Variants in IL15 observed in about 807,000 individuals in gnomAD.
IL15 encodes the protein interleukin-15.
Under a neutral mutation model 19.6 loss-of-function variants are expected in IL15, and 11 were observed. The ratio of observed to expected loss-of-function variants is 0.56; its 90% CI spans 0.35 to 0.93. IL15 has a LOEUF of 0.93. Ranked by LOEUF, IL15 falls within the 40% of genes least tolerant of loss-of-function variation. The pLI is 0.01. For missense variants in IL15, 197 were observed against 186.5 expected (o/e 1.06, Z -0.33); for synonymous variants, 58 against 59.6 (o/e 0.97, Z 0.12).
At chr4:141,708,939 G>C (rs1417715330) in intron 2 of IL15, among the ~76,000 whole-genome samples, 1 of 151,540 alleles carries the variant, frequency 6.6e-6, no homozygotes, top group Non-Finnish European at 1.5e-5. Context: ...TACTTTAAAT[G>C]ATAATTTTAT....
chr4:141,709,385 A>G (rs986027974), intron 2 of IL15, among the ~76,000 whole-genome samples: 3 of 152,098 alleles, frequency 2.0e-5, no homozygotes, highest in Non-Finnish European at 4.4e-5. Flanking sequence ...AAGGTTGTTC[A>G]TTGTGTTTTT....
Position 141,683,325 on chromosome 4 carries a change from C to T in IL15, c.-100+27018C>T, listed in dbSNP as rs559635573. Among the ~76,000 whole-genome samples, 3 of 151,830 alleles carry T rather than the reference C, an allele frequency of 2.0e-5. No individual in the cohort carries two copies. The South Asian group carries it at 6.2e-4, about 32-fold the overall frequency. On this transcript the variant is annotated intron_variant, in intron 2 of 7. Coordinates refer to ENST00000320650, the MANE Select transcript of IL15 (RefSeq NM_000585.5). ...GTGGCTCATGCCTGTAATCCTAGCA[C>T]TTTGGAAGGGCAAGGTGGGTGGATT... is the stretch of plus-strand genomic sequence containing the variant.
intron 1 of IL15, among the ~76,000 whole-genome samples, chr4:141,638,566 A>T (rs80017499): frequency 0.015 from 2,352 of 152,346 alleles, 39 homozygotes; most frequent in East Asian, 0.075. Flanking sequence ...GGTGATTAAA[A>T]TGATGCTCTT....
chr4:141,676,514 G>A (rs1010331589), intron 2 of IL15, among the ~76,000 whole-genome samples: 9 of 152,110 alleles, frequency 5.9e-5, no homozygotes, highest in African/African-American at 2.2e-4. Flanking sequence ...GGGTCATAAG[G>A]ACTTTAAACT....
At chr4:141,645,138 G>A (rs973714921) in intron 1 of IL15, among the ~76,000 whole-genome samples, 5 of 151,952 alleles carry the variant, frequency 3.3e-5, no homozygotes, top group African/African-American at 1.2e-4. Flanking sequence ...TTTAGAATTC[G>A]GGGGGCTTCC....
At chr4:141,687,788 C>G (rs759932233) in intron 2 of IL15, among the ~76,000 whole-genome samples, 1 of 152,072 alleles carries the variant, frequency 6.6e-6, no homozygotes, top group Admixed American at 6.6e-5. Flanking sequence ...AATAACCCAG[C>G]CTTTTACTAA....
intron 2 of IL15, among the ~76,000 whole-genome samples, chr4:141,713,052 A>G (rs906553533): frequency 1.3e-5 from 2 of 152,270 alleles, no homozygotes; most frequent in East Asian, 1.9e-4. Flanking sequence ...TTTAAAAATC[A>G]TTATAGTAAC....
chr4:141,730,670 AGAGC>A (rs1284986742), intron 7 of IL15, among the ~76,000 whole-genome samples: 1 of 152,186 alleles, frequency 6.6e-6, no homozygotes, highest in Non-Finnish European at 1.5e-5. Context: ...GGGTTCCAGG[AGAGC>A]AAATTCTAGG....
intron 2 of IL15, among the ~76,000 whole-genome samples, chr4:141,704,039 G>T (rs973151920): frequency 1.3e-5 from 2 of 151,958 alleles, no homozygotes; most frequent in African/African-American, 4.8e-5. Context: ...TTCCAATTTG[G>T]ATGCCTTTTA....
intron 2 of IL15, among the ~76,000 whole-genome samples, chr4:141,708,064 A>T (rs947423904): frequency 2.6e-5 from 4 of 152,146 alleles, no homozygotes; most frequent in Non-Finnish European, 5.9e-5. Flanking sequence ...GTGGCCTTTC[A>T]TGGGAGTAGG....
At chr4:141,642,467 T>C (rs1035261192) in intron 1 of IL15, among the ~76,000 whole-genome samples, 4 of 152,182 alleles carry the variant, frequency 2.6e-5, no homozygotes, top group African/African-American at 9.7e-5. Flanking sequence ...ACCCTCCCTT[T>C]GGCTTCTGGA....
intron 2 of IL15, among the ~76,000 whole-genome samples, chr4:141,673,891 A>G (rs1728254217): frequency 2.0e-5 from 3 of 152,140 alleles, no homozygotes; most frequent in Non-Finnish European, 4.4e-5. Flanking sequence ...TTTTCATTCA[A>G]CCCATATTTG....
At chr4:141,639,234 G>T (rs1489393208) in intron 1 of IL15, among the ~76,000 whole-genome samples, 1 of 152,156 alleles carries the variant, frequency 6.6e-6, no homozygotes, top group African/African-American at 2.4e-5. Context: ...ATTTATGGAG[G>T]ATGGTATTAT....
chr4:141,705,249 C>G (rs1001324417), intron 2 of IL15, among the ~76,000 whole-genome samples: 2 of 151,856 alleles, frequency 1.3e-5, no homozygotes, highest in African/African-American at 4.8e-5. Context: ...GTTTCTTTCA[C>G]TATGTCGCAT....
chr4:141,727,843 AAG>A, intron 5 of IL15, 95 bp from the exon 6 acceptor site: 2 of 664,796 alleles, frequency 3.0e-6, no homozygotes, highest in East Asian at 2.9e-5. Flanking sequence ...AAAATAAAAA[AAG>A]AATTAAAAAC....
intron 4 of IL15, 84 bp from the exon 5 acceptor site, chr4:141,721,840 A>G (rs1579051961): frequency 8.2e-7 from 1 of 1,222,452 alleles, no homozygotes; most frequent in Non-Finnish European, 1.2e-6. Context: ...CAGAATAAAA[A>G]TTATTGATTG....
rs1158555409 is a variant in IL15, at chr4:141,732,998, A to T, written c.*150A>T. 4 of 1,256,286 alleles carry T rather than the reference A, an allele frequency of 3.2e-6. No individual in the cohort carries two copies. The highest frequency in any genetic ancestry group is 4.2e-6 in the Non-Finnish European group (4 of 952,330). The allele number at this position is 1,256,286 out of a possible 1,614,324, so 77.8% of individuals were successfully genotyped here. A position where few individuals can be genotyped will look rare whatever the true frequency, so the allele number is the denominator to read the frequency against. ...CAGACCTTGGATCAGATGAACTCTT[A>T]GAAATGAAGGCAGAAAAATGTCATT... On this transcript the variant is annotated 3_prime_UTR_variant, in exon 8 of 8. Transcript: ENST00000320650.
intron 2 of IL15, 70 bp from the exon 3 acceptor site, chr4:141,719,296 G>C: frequency 3.7e-6 from 2 of 538,672 alleles, no homozygotes; most frequent in Middle Eastern, 2.8e-4. Context: ...TGTTCAATAA[G>C]TATTAATTCC....
At chr4:141,720,001 T>C (rs749184286) in intron 3 of IL15, among the ~76,000 whole-genome samples, 13 of 152,160 alleles carry the variant, frequency 8.5e-5, no homozygotes, top group Non-Finnish European at 1.9e-4. Context: ...TTTTATCCAA[T>C]TTTTCACCAA....
Sources: gnomAD v4.1 joint callset for allele counts (sites outside exome capture counted in the v4.1 genomes callset) on GRCh38, gnomAD v4.1.1 for gene constraint, MANE v1.5 for transcripts, NCBI Gene and HGNC (gene_info 2026-07-23, HGNC 2026-07-21) for gene names.